The following MSH4 variants were observed in gnomAD, a reference collection of about 807,000 sequenced individuals.
The protein encoded by MSH4 is mutS protein homolog 4.
In MSH4, 106 loss-of-function variants were observed where a neutral mutation model predicts 113.7. The ratio of observed to expected loss-of-function variants is 0.93; its 90% CI spans 0.80 to 1.10. The LOEUF is 1.10. Ranked by LOEUF, MSH4 falls within the 50% of genes least tolerant of loss-of-function variation. The pLI is 0.00. For synonymous variants in MSH4, 368 were observed against 380.2 expected, an observed-to-expected ratio of 0.97 and a Z score of 0.37; for missense variants, 1,061 against 1,093.7, an observed-to-expected ratio of 0.97 and a Z score of 0.42.
chr1:75,799,539 C>A (rs935693319), intron 1 of MSH4, among the ~76,000 whole-genome samples: 1 of 152,182 alleles, frequency 6.6e-6, no homozygotes, highest in Non-Finnish European at 1.5e-5. Flanking sequence ...GCACCTTGAA[C>A]TGGTCTTCAA....
In MSH4 at chr1:75,912,989, A is replaced by G. The variant is rs1652822118; in HGVS notation, c.*102A>G. On this transcript the variant is annotated 3_prime_UTR_variant, in exon 20 of 20. Transcript: ENST00000263187. ...AACATTTGCCAAATTTCATATTTTAATTGAAAATTACATTATATTAACATC... is the reference window on the plus strand; with the variant it reads ...AACATTTGCCAAATTTCATATTTTAGTTGAAAATTACATTATATTAACATC... 6.5e-6 allele frequency: 4 copies of G among 617,348 alleles called. No homozygotes were observed. The highest frequency in any genetic ancestry group is 9.9e-6 in the Non-Finnish European group (4 of 402,744). The allele number at this position is 617,348 out of a possible 1,614,324, so 38.2% of individuals were successfully genotyped here.
rs541999175 is a variant in MSH4, at chr1:75,832,780, G to A, written c.1162+10199G>A. On this transcript the variant is annotated intron_variant, in intron 7 of 19. Transcript: ENST00000263187. The stretch of plus-strand genomic sequence containing the variant: ...TCAATAAACTAGATATTGATGGAAC[G>A]TATCTCAAAATAATAATAGCTATTT... Among the ~76,000 whole-genome samples, 447 of 80,420 alleles carry A rather than the reference G, an allele frequency of 5.6e-3. 5 individuals are homozygous for A. The highest frequency in any genetic ancestry group is 0.02 in the African/African-American group (424 of 20,878). The allele number at this position is 80,420 out of a possible 152,430, so 52.8% of individuals were successfully genotyped here.
At chr1:75,834,328 G>C (rs1009105779) in intron 7 of MSH4, among the ~76,000 whole-genome samples, 7 of 152,216 alleles carry the variant, frequency 4.6e-5, no homozygotes, top group Admixed American at 3.9e-4. Context: ...TTACACTGTT[G>C]GTGGGACTGT....
At chr1:75,859,095 GGATC>G (rs1651389458) in intron 8 of MSH4, among the ~76,000 whole-genome samples, 1 of 152,076 alleles carries the variant, frequency 6.6e-6, no homozygotes, top group Admixed American at 6.6e-5. Flanking sequence ...AATTTCTGTG[GGATC>G]GATGGTGATA....
At chr1:75,830,188 A>C (rs1332987470) in intron 7 of MSH4, among the ~76,000 whole-genome samples, 1 of 152,158 alleles carries the variant, frequency 6.6e-6, no homozygotes, top group Non-Finnish European at 1.5e-5. Context: ...AAAGGCTATC[A>C]GTGATTGAAG....
intron 7 of MSH4, among the ~76,000 whole-genome samples, chr1:75,828,675 G>A (rs78532534): frequency 0.013 from 1,974 of 152,240 alleles, 44 homozygotes; most frequent in African/African-American, 0.045. Context: ...GAGGAATGGG[G>A]CAAGGGTTCA....
intron 1 of MSH4, 77 bp from the exon 2 acceptor site, chr1:75,803,654 G>A (rs1230165565): frequency 6.7e-6 from 7 of 1,037,534 alleles, no homozygotes; most frequent in Non-Finnish European, 8.0e-6. Flanking sequence ...AAGTGAACAT[G>A]GTATAAATTA....
chr1:75,818,354 A>G (rs898426387), intron 6 of MSH4, among the ~76,000 whole-genome samples: 1 of 151,944 alleles, frequency 6.6e-6, no homozygotes. Flanking sequence ...ACTAACCTTG[A>G]TCTTCTTTTT....
At chr1:75,885,740 G>C (rs1288784772) in intron 15 of MSH4, among the ~76,000 whole-genome samples, 4 of 98,158 alleles carry the variant, frequency 4.1e-5, no homozygotes, top group South Asian at 3.2e-4. Context: ...AGTATATATA[G>C]TATATATAAT....
intron 15 of MSH4, among the ~76,000 whole-genome samples, chr1:75,886,050 T>C (rs1430068370): frequency 1.5e-5 from 1 of 67,438 alleles, no homozygotes; most frequent in Non-Finnish European, 2.5e-5. Context: ...ATATATGATG[T>C]ATTATATATA....
chr1:75,876,843 GTAAACTA>G, intron 9 of MSH4, 86 bp from the exon 10 acceptor site: 1 of 592,402 alleles, frequency 1.7e-6, no homozygotes, highest in South Asian at 3.8e-5. Context: ...AAAGCACTTG[GTAAACTA>G]TAAAGTATTA....
intron 17 of MSH4, among the ~76,000 whole-genome samples, chr1:75,893,104 A>G (rs1365770833): frequency 2.6e-5 from 4 of 152,232 alleles, no homozygotes; most frequent in Admixed American, 2.6e-4. Flanking sequence ...CAAAAGCAGG[A>G]CTTAATTAGC....
rs1000732302 is a variant in MSH4, at chr1:75,866,441, G to T, written c.1231-1073G>T. Among the ~76,000 whole-genome samples, 5 of 152,204 alleles carry T rather than the reference G, an allele frequency of 3.3e-5. No individual in the cohort carries two copies. The East Asian group carries it at 5.8e-4, about 18-fold the overall frequency. ...AGACTCCCAAAATGCTGGGATTACC[G>T]ACATAAGCCATTGCACCTAGCATGA... is the stretch of plus-strand genomic sequence containing the variant. On this transcript the variant is annotated intron_variant, in intron 8 of 19. Transcript: ENST00000263187.
chr1:75,886,007 T>C (rs1300569891), intron 15 of MSH4, among the ~76,000 whole-genome samples: 2 of 80,090 alleles, frequency 2.5e-5, no homozygotes, highest in African/African-American at 1.1e-4. Context: ...GCATGTATAG[T>C]ATATATGATG....
intron 9 of MSH4, among the ~76,000 whole-genome samples, chr1:75,873,046 C>T (rs957203896): frequency 6.6e-6 from 1 of 152,202 alleles, no homozygotes; most frequent in Non-Finnish European, 1.5e-5. Context: ...TAAGTGTAAA[C>T]GTGCTGTGAT....
At chr1:75,805,329 A>G (rs1650036042) in intron 2 of MSH4, among the ~76,000 whole-genome samples, 2 of 151,736 alleles carry the variant, frequency 1.3e-5, no homozygotes, top group Admixed American at 1.3e-4. Flanking sequence ...TAGAAGTCAA[A>G]TTACTGAAAC....
At chr1:75,857,649 A>C (rs1047509523) in intron 8 of MSH4, among the ~76,000 whole-genome samples, 2 of 152,052 alleles carry the variant, frequency 1.3e-5, no homozygotes, top group African/African-American at 4.8e-5. Flanking sequence ...TGGTCTATAT[A>C]TCTGTTTTGG....
intron 4 of MSH4, 41 bp from the exon 5 acceptor site, chr1:75,814,980 G>T: frequency 8.3e-7 from 1 of 1,203,524 alleles, no homozygotes; most frequent in East Asian, 2.4e-5. Context: ...GCAAGCGCAT[G>T]GCACTTCAAA....
At chr1:75,801,320 T>C (rs994446984) in intron 1 of MSH4, among the ~76,000 whole-genome samples, 1 of 152,112 alleles carries the variant, frequency 6.6e-6, no homozygotes, top group African/African-American at 2.4e-5. Flanking sequence ...ATCCCAGCAC[T>C]TTGGGAGGCT....
Sources: allele counts gnomAD v4.1 joint callset (sites outside exome capture counted in the v4.1 genomes callset), GRCh38; gene constraint gnomAD v4.1.1; transcripts MANE v1.5; gene names NCBI Gene and HGNC (gene_info 2026-07-23, HGNC 2026-07-21).